The following SIGLEC15 variants were observed in gnomAD, a reference collection of about 807,000 sequenced individuals.
SIGLEC15 encodes the protein sialic acid binding Ig like lectin 15, also known as sialic acid-binding Ig-like lectin 15.
In SIGLEC15, 31 loss-of-function variants were observed where a neutral mutation model predicts 26.2. The observed-to-expected ratio is 1.18, with a 90% CI of 0.89 to 1.60. The LOEUF is 1.60. SIGLEC15 is among the 40% of genes most tolerant of loss of function. SIGLEC15 has a pLI of 0.00. For missense variants in SIGLEC15, 501 were observed against 488.4 expected, an observed-to-expected ratio of 1.03 and a Z score of -0.24; for synonymous variants, 207 against 221.9, an observed-to-expected ratio of 0.93 and a Z score of 0.60.
Position 45,838,743 on chromosome 18 carries a change from G to C in SIGLEC15, c.522G>C (p.Ser174=), listed in dbSNP as rs922233290. The change falls in exon 4 of 6, where the codon TCG becomes TCC. Residue 174 remains serine (S), a synonymous_variant. Transcript: ENST00000389474. ...CCGCGCCGCGGATCGTCAACATCTC[G>C]GTGCTGCCCAGTCCGGCTCACGCCT... is the stretch of plus-strand genomic sequence containing the variant. ...VTAAPRIVNI[S]VLPSPAHAFR... 13 of 1,580,348 alleles carry C rather than the reference G, an allele frequency of 8.2e-6. No individual in the cohort carries two copies. Among genetic ancestry groups the C allele is most frequent in the Non-Finnish European group, 1.1e-5 (13 of 1,172,306 alleles).
intron 2 of SIGLEC15, 34 bp from the exon 3 acceptor site, chr18:45,837,479 G>A: frequency 6.9e-7 from 1 of 1,444,160 alleles, no homozygotes; most frequent in Non-Finnish European, 9.0e-7. Flanking sequence ...CGACCCCAGG[G>A]CCCCGAGCCT....
chr18:45,837,903 C>T lies in SIGLEC15; in HGVS notation c.496+7C>T. 1 of 1,497,040 alleles carries T rather than the reference C, an allele frequency of 6.7e-7. No individual in the cohort carries two copies. Among genetic ancestry groups the T allele is most frequent in the Admixed American group, 2.2e-5 (1 of 45,398 alleles). 92.7% of individuals were successfully genotyped at this position (1,497,040 alleles called of 1,614,324 possible). On this transcript the variant is annotated splice_region_variant and intron_variant, in intron 3 of 5. Coordinates refer to ENST00000389474, the MANE Select transcript of SIGLEC15 (RefSeq NM_213602.3). ...GTCCGGCTGCACGTGACAGGCGAGG[C>T]GGCGTGGGAGCGGGTCCCCGGCCTC...
chr18:45,840,265 C>A (rs1019067949), intron 5 of SIGLEC15, 24 bp downstream of exon 5: 2 of 1,607,338 alleles, frequency 1.2e-6, no homozygotes, highest in Non-Finnish European at 1.7e-6. Flanking sequence ...CCGCCTCCAC[C>A]CTACCCTACC....
intron 1 of SIGLEC15, among the ~76,000 whole-genome samples, chr18:45,836,138 G>A (rs893217643): frequency 6.6e-6 from 1 of 152,184 alleles, no homozygotes; most frequent in Admixed American, 6.5e-5. Context: ...TCCTGCCCAA[G>A]GAGCAAATTG....
At position 45,838,702 on chromosome 18, in the gene SIGLEC15, G is replaced by T. The variant is rs1480086455; in HGVS notation, c.497-16G>T. ...AGGGGTGCCCTTGTGACAGTCACCC[G>T]CCTTCTCCCCTGCAGCCGCGCCGCG... On this transcript the variant is annotated splice_polypyrimidine_tract_variant and intron_variant, in intron 3 of 5. Transcript: ENST00000389474. 8 of 1,557,024 alleles carry T rather than the reference G, an allele frequency of 5.1e-6. No homozygotes were observed. In the East Asian group the frequency reaches 1.9e-4, roughly 36 times the overall value.
chr18:45,833,083 A>G (rs1599390972), intron 1 of SIGLEC15, among the ~76,000 whole-genome samples: 1 of 152,026 alleles, frequency 6.6e-6, no homozygotes, highest in East Asian at 1.9e-4. Flanking sequence ...CAGACCTGCC[A>G]TTTGCAGCAC....
rs968996803 is a variant in SIGLEC15 at position 45,837,461 on chromosome 18, G to C, written c.113-52G>C. ...CGTGGGGTTTCCAGGCCCCGGGTGCGGGCGCCTCGACCCCAGGGCCCCGAG... is the reference window on the plus strand; with the variant it reads ...CGTGGGGTTTCCAGGCCCCGGGTGCCGGCGCCTCGACCCCAGGGCCCCGAG... On this transcript the variant is annotated intron_variant, in intron 2 of 5. Transcript: ENST00000389474. 7.0e-6 allele frequency: 10 copies of C among 1,424,056 alleles called. No individual in the cohort carries two copies. The Admixed American group carries it at 2.9e-4, about 41-fold the overall frequency. The allele number at this position is 1,424,056 out of a possible 1,614,324, so 88.2% of individuals were successfully genotyped here. A position where few individuals can be genotyped will look rare whatever the true frequency, so the allele number is the denominator to read the frequency against.
At chr18:45,840,169 C>A (rs368718179) in intron 4 of SIGLEC15, 42 bp from the exon 5 acceptor site, 19 of 1,609,212 alleles carry the variant, frequency 1.2e-5, no homozygotes, top group Admixed American at 1.7e-5. Context: ...CTGCAGACTG[C>A]GGTGGAGATT....
At chr18:45,826,373 C>T (rs1167636122) in intron 1 of SIGLEC15, among the ~76,000 whole-genome samples, 1 of 152,164 alleles carries the variant, frequency 6.6e-6, no homozygotes, top group East Asian at 1.9e-4. Flanking sequence ...TTTCAAAAGG[C>T]ACAGGGACCA....
Position 45,838,701 on chromosome 18 carries a change from C to G in SIGLEC15, c.497-17C>G. 6.4e-7 allele frequency: 1 copy of G among 1,554,564 alleles called. No homozygotes were observed. The highest frequency in any genetic ancestry group is 1.2e-5 in the South Asian group (1 of 83,260). ...GAGGGGTGCCCTTGTGACAGTCACCCGCCTTCTCCCCTGCAGCCGCGCCGC... is the reference window on the plus strand; with the variant it reads ...GAGGGGTGCCCTTGTGACAGTCACCGGCCTTCTCCCCTGCAGCCGCGCCGC... On this transcript the variant is annotated splice_polypyrimidine_tract_variant and intron_variant, in intron 3 of 5. Transcript: ENST00000389474.
intron 1 of SIGLEC15, among the ~76,000 whole-genome samples, chr18:45,826,468 G>A (rs1307196650): frequency 6.6e-6 from 1 of 152,198 alleles, no homozygotes; most frequent in African/African-American, 2.4e-5. Context: ...CAGAATCAGA[G>A]TATCAGGCAG....
At chr18:45,828,639 C>T (rs959361437) in intron 1 of SIGLEC15, among the ~76,000 whole-genome samples, 3 of 152,216 alleles carry the variant, frequency 2.0e-5, no homozygotes, top group African/African-American at 7.2e-5. Context: ...AAGTGAGGCT[C>T]CTGGCCTCTG....
rs2048301882 is a variant in SIGLEC15, at chr18:45,838,994, C to CT, written c.773_774insT (p.Ser259GlnfsTer53). On this transcript the variant is annotated frameshift_variant, in exon 4 of 6. Coordinates refer to ENST00000389474, the MANE Select transcript of SIGLEC15 (RefSeq NM_213602.3). LOFTEE classifies it high-confidence loss of function. The stretch of plus-strand genomic sequence containing the variant: ...GTCTACCTGTTCCGCTTCCATGGCG[C>CT]CAGCGGGGCCTCGACGGTCGCCCTC... The CT allele has an allele frequency of 8.1e-6, 13 of 1,597,452 alleles. No homozygotes were observed. The highest frequency in any genetic ancestry group is 1.1e-5 in the Non-Finnish European group (13 of 1,176,680).
intron 2 of SIGLEC15, 33 bp from the exon 3 acceptor site, chr18:45,837,480 C>G: frequency 3.5e-6 from 5 of 1,447,070 alleles, no homozygotes; most frequent in Non-Finnish European, 3.6e-6. Context: ...GACCCCAGGG[C>G]CCCGAGCCTG....
chr18:45,827,090 AT>A (rs996176220), intron 1 of SIGLEC15, among the ~76,000 whole-genome samples: 4 of 152,200 alleles, frequency 2.6e-5, no homozygotes, highest in African/African-American at 4.8e-5. Flanking sequence ...AATTTTTTAA[AT>A]TTTTAGTAGA....
Position 45,842,237 on chromosome 18 carries a change from C to T in SIGLEC15, c.*50C>T. ...ATTTCAGCACTGTAAAGAACAAAGG[C>T]CAGTGCGAGGCTTGGCTGGCACAGC... On this transcript the variant is annotated 3_prime_UTR_variant, in exon 6 of 6. Coordinates refer to ENST00000389474, the MANE Select transcript of SIGLEC15 (RefSeq NM_213602.3). 5.0e-6 allele frequency: 8 copies of T among 1,596,614 alleles called. No homozygotes were observed. The highest frequency in any genetic ancestry group is 6.9e-6 in the Non-Finnish European group (8 of 1,164,082).
chr18:45,832,654 C>G (rs2048244848), intron 1 of SIGLEC15, among the ~76,000 whole-genome samples: 1 of 152,088 alleles, frequency 6.6e-6, no homozygotes, highest in Non-Finnish European at 1.5e-5. Context: ...TCCTGATGAC[C>G]CCTGAAGGTT....
intron 1 of SIGLEC15, chr18:45,829,124 G>A (rs1345030909): frequency 1.0e-6 from 1 of 985,556 alleles, no homozygotes; most frequent in Non-Finnish European, 1.2e-6. Flanking sequence ...GCAGCACTCT[G>A]GGGTGGGCAC....
rs1380384075 is a variant in SIGLEC15, at chr18:45,837,854, G to T, written c.454G>T (p.Asp152Tyr). 2 of 1,539,012 alleles carry T rather than the reference G, an allele frequency of 1.3e-6. No homozygotes were observed. The highest frequency in any genetic ancestry group is 3.8e-5 in the Admixed American group (2 of 53,060). Residue 152 changes from aspartate (D) to tyrosine (Y), a missense_variant, in exon 3 of 6, where the codon GAC (aspartate) becomes TAC (tyrosine). Asp to Tyr is a radical substitution (Grantham distance 160). Transcript: ENST00000389474. ...CGTCGAGTTCGCCGGCGACGTCCAT[G>T]ACCGCTACGAGAGCCGCCACGGCGT... ...CRVEFAGDVH[D>Y]RYESRHGVRL...
Sources: allele counts gnomAD v4.1 joint callset (sites outside exome capture counted in the v4.1 genomes callset), GRCh38; gene constraint gnomAD v4.1.1; transcripts MANE v1.5; gene names NCBI Gene and HGNC (gene_info 2026-07-23, HGNC 2026-07-21).